The following GFPT1 variants were observed in gnomAD, a reference collection of about 807,000 sequenced individuals.
GFPT1 encodes glutamine--fructose-6-phosphate aminotransferase [isomerizing] 1.
A neutral mutation model predicts 92.0 loss-of-function variants in GFPT1; 40 were observed. The observed-to-expected ratio is 0.43, with a 90% confidence interval of 0.34 to 0.57. The LOEUF is 0.57. Ranked by LOEUF, GFPT1 falls within the 20% of genes least tolerant of loss-of-function variation. GFPT1 has a pLI of 0.02. For missense variants in GFPT1, 448 were observed against 869.1 expected (o/e 0.52, Z 6.09); for synonymous variants, 269 against 280.6 (o/e 0.96, Z 0.41).
intron 2 of GFPT1, among the ~76,000 whole-genome samples, chr2:69,372,743 G>C (rs1040601690): frequency 1.3e-5 from 2 of 152,172 alleles, no homozygotes; most frequent in African/African-American, 4.8e-5. Flanking sequence ...TTGAGGAACT[G>C]ACTTTCCATT....
chr2:69,376,627 A>G (rs1032724689), intron 1 of GFPT1, among the ~76,000 whole-genome samples: 7 of 152,214 alleles, frequency 4.6e-5, no homozygotes, highest in Non-Finnish European at 4.4e-5. Context: ...GCTTATTTGA[A>G]AACAGAAGCC....
chr2:69,339,364 GCTCA>G lies in GFPT1; in HGVS notation c.1204-803_1204-800del, dbSNP rs369962672. On this transcript the variant is annotated intron_variant, in intron 13 of 19. Coordinates refer to ENST00000357308, the MANE Select transcript of GFPT1 (RefSeq NM_001244710.2). ...TATTTTAGAAATCTTGTTTAACAGGGCTCACTATTTTCAACTTTTGTGGCATGGG... is the reference window on the plus strand; with the variant it reads ...TATTTTAGAAATCTTGTTTAACAGGGCTATTTTCAACTTTTGTGGCATGGG... Among the ~76,000 whole-genome samples, 718 of 152,206 alleles carry G rather than the reference GCTCA, an allele frequency of 4.7e-3. 10 individuals carry two copies. Among genetic ancestry groups the G allele is most frequent in the Admixed American group, 0.011 (173 of 15,292 alleles).
intron 15 of GFPT1, among the ~76,000 whole-genome samples, chr2:69,335,532 C>T (rs1430538597): frequency 6.6e-6 from 1 of 152,180 alleles, no homozygotes; most frequent in Non-Finnish European, 1.5e-5. Flanking sequence ...GTTTCACAAT[C>T]TGTTATAAAT....
chr2:69,371,698 G>A (rs895929250), intron 2 of GFPT1, among the ~76,000 whole-genome samples: 3 of 148,778 alleles, frequency 2.0e-5, no homozygotes, highest in South Asian at 2.2e-4. Flanking sequence ...TTAGCCGGGC[G>A]TGGTGGCGGG....
intron 1 of GFPT1, among the ~76,000 whole-genome samples, chr2:69,381,689 G>A (rs1268760740): frequency 6.7e-6 from 1 of 150,090 alleles, no homozygotes; most frequent in African/African-American, 2.5e-5. Context: ...AAGTAGACTG[G>A]ACTACAGGTA....
chr2:69,360,175 A>C (rs886282715), intron 4 of GFPT1, among the ~76,000 whole-genome samples: 7 of 151,994 alleles, frequency 4.6e-5, no homozygotes, highest in Non-Finnish European at 8.8e-5. Flanking sequence ...TAAAAATACA[A>C]AACATTAGCC....
chr2:69,342,569 G>A (rs1026984827), intron 12 of GFPT1, among the ~76,000 whole-genome samples: 4 of 152,158 alleles, frequency 2.6e-5, no homozygotes, highest in Non-Finnish European at 4.4e-5. Context: ...CAAAAGTAGA[G>A]GGACACAGAA....
At position 69,322,605 on chromosome 2, in the gene GFPT1, A is replaced by T. The variant is rs1234360642; in HGVS notation, c.*3584T>A. Reference sequence around the variant, plus strand: ...CAAGAGATCTGTATTCAAAAAGATAAAACAATCTCATCTCAGTAACTACCT... The same window carrying T: ...CAAGAGATCTGTATTCAAAAAGATATAACAATCTCATCTCAGTAACTACCT... On this transcript the variant is annotated 3_prime_UTR_variant, in exon 20 of 20. Transcript: ENST00000357308. 2 of 152,248 alleles carry T rather than the reference A, an allele frequency of 1.3e-5. No individual in the cohort carries two copies. The highest frequency in any genetic ancestry group is 2.4e-5 in the African/African-American group (1 of 41,464). 9.4% of individuals were successfully genotyped at this position (152,248 alleles called of 1,614,324 possible). A position where few individuals can be genotyped will look rare whatever the true frequency, so the allele number is the denominator to read the frequency against.
At position 69,359,268 on chromosome 2, in the gene GFPT1, CA is replaced by C; in HGVS notation, c.407del (p.Leu136TrpfsTer73). On this transcript the variant is annotated frameshift_variant and splice_region_variant, in exon 5 of 20. Transcript: ENST00000357308. LOFTEE classifies it high-confidence loss of function. ...ITNYKDLKKF[L>X]ESKGYDFESE... The stretch of plus-strand genomic sequence containing the variant: ...GGTCTTTTGAGGTCACCTTACTTAC[CA>C]AAAACTTTTTCAAGTCTTTGTAGTT... 5.2e-6 allele frequency: 8 copies of C among 1,539,164 alleles called. No individual in the cohort carries two copies. The highest frequency in any genetic ancestry group is 7.2e-6 in the Non-Finnish European group (8 of 1,112,592).
rs1670547736 is a variant in GFPT1, at chr2:69,327,047, T to C, written c.1922A>G (p.Glu641Gly). The C allele has an allele frequency of 6.2e-7, 1 of 1,614,114 alleles. No individual in the cohort carries two copies. The highest frequency in any genetic ancestry group is 1.7e-5 in the Admixed American group (1 of 60,022). ...TGTGTTCTTAATGGTCTCAGTATCC[T>C]CCTTATCACAAATTACCACAGGCCG... ...QGRPVVICDK[E>G]DTETIKNTKR... Residue 641 changes from glutamate (E) to glycine (G), a missense_variant, in exon 19 of 20, where the codon GAG (glutamate) becomes GGG (glycine). Physicochemically the swap from Glu to Gly is moderately conservative, Grantham distance 98 (BLOSUM62 -2). Around this residue, in one of 7 missense-constraint regions of GFPT1, gnomAD observed 55 missense variants for 98.8 expected, o/e 0.56. Coordinates refer to ENST00000357308, the MANE Select transcript of GFPT1 (RefSeq NM_001244710.2).
rs1558758594 is a variant in GFPT1, at chr2:69,356,382, ATATC to A, written c.605+110_605+113del. The A allele has an allele frequency of 6.3e-6, 5 of 798,514 alleles. No individual in the cohort carries two copies. In the East Asian group the frequency reaches 9.7e-5, roughly 16 times the overall value. 49.5% of individuals were successfully genotyped at this position (798,514 alleles called of 1,614,324 possible). A position where few individuals can be genotyped will look rare whatever the true frequency, so the allele number is the denominator to read the frequency against. ...GATGTGAAAATATGCTCACATGAATATATCTAATAAAGGGCAGAGCCTTTATAAT... is the reference window on the plus strand; with the variant it reads ...GATGTGAAAATATGCTCACATGAATATAATAAAGGGCAGAGCCTTTATAAT... On this transcript the variant is annotated intron_variant, in intron 7 of 19. Transcript: ENST00000357308.
intron 12 of GFPT1, among the ~76,000 whole-genome samples, chr2:69,345,551 G>T (rs967779526): frequency 6.6e-6 from 1 of 152,098 alleles, no homozygotes; most frequent in Admixed American, 6.6e-5. Context: ...CAATTCAGTG[G>T]CATTAAGCAC....
chr2:69,333,037 A>C (rs2104607106), intron 15 of GFPT1, among the ~76,000 whole-genome samples: 1 of 152,292 alleles, frequency 6.6e-6, no homozygotes, highest in East Asian at 1.9e-4. Context: ...TTCCACCAGC[A>C]GACTGGAATC....
intron 12 of GFPT1, among the ~76,000 whole-genome samples, chr2:69,344,710 C>CA (rs1190188197): frequency 6.6e-6 from 1 of 150,986 alleles, no homozygotes; most frequent in Admixed American, 6.6e-5. Flanking sequence ...GTGGTGGAGT[C>CA]AGAGCTCACT....
chr2:69,345,429 G>A (rs1273374236), intron 12 of GFPT1, among the ~76,000 whole-genome samples: 1 of 152,174 alleles, frequency 6.6e-6, no homozygotes, highest in Non-Finnish European at 1.5e-5. Context: ...AAGCTGCCCA[G>A]CAACGGGACC....
chr2:69,347,288 T>G (rs1310689604), intron 11 of GFPT1, among the ~76,000 whole-genome samples: 1 of 151,766 alleles, frequency 6.6e-6, no homozygotes, highest in Non-Finnish European at 1.5e-5. Context: ...TGAGCTCAAG[T>G]GATCCTCCTA....
intron 13 of GFPT1, among the ~76,000 whole-genome samples, chr2:69,338,789 T>TATGTATAC (rs1670864401): frequency 2.0e-5 from 3 of 150,036 alleles, no homozygotes; most frequent in Admixed American, 6.7e-5. Flanking sequence ...GACAACTATC[T>TATGTATAC]ATGTATACAT....
chr2:69,348,309 C>T lies in GFPT1; in HGVS notation c.871G>A (p.Val291Ile), dbSNP rs374829932. The T allele has an allele frequency of 6.2e-7, 1 of 1,612,638 alleles. No homozygotes were observed. Among genetic ancestry groups the T allele is most frequent in the Non-Finnish European group, 8.5e-7 (1 of 1,178,680 alleles). ...ASAVIEHTNR[V>I]IFLEDDDVAA... is the part of the protein sequence containing the mutation. ...ACATCATCATCTTCCAGAAAGATGA[C>T]GCGATTGGTGTGTTCTATGACAGCA... The change falls in exon 11 of 20, where the codon GTC becomes ATC. Residue 291 changes from valine (V) to isoleucine (I), a missense_variant. Physicochemically the swap from Val to Ile is conservative, Grantham distance 29. This residue lies in a region of GFPT1 where 121 missense variants were observed against 304.3 expected (regional missense o/e 0.40). Transcript: ENST00000357308.
At chr2:69,353,183 T>TC (rs1671254127) in intron 9 of GFPT1, among the ~76,000 whole-genome samples, 1 of 152,092 alleles carries the variant, frequency 6.6e-6, no homozygotes, top group Non-Finnish European at 1.5e-5. Context: ...ATCACTTGAC[T>TC]CCAGGAGTTC....
Sources: allele counts gnomAD v4.1 joint callset (sites outside exome capture counted in the v4.1 genomes callset), GRCh38; gene constraint gnomAD v4.1.1; regional missense constraint gnomAD v4.1.1; transcripts MANE v1.5; gene names NCBI Gene and HGNC (gene_info 2026-07-23, HGNC 2026-07-21).